TBC1D14: variants seen among roughly 807,000 people sequenced by gnomAD.
TBC1D14 encodes the protein TBC1 domain family member 14, also known as TBC1 domain family, member 14.
Under a neutral mutation model 79.0 loss-of-function variants are expected in TBC1D14, and 26 were observed. The ratio of observed to expected loss-of-function variants is 0.33; its 90% CI spans 0.24 to 0.46. TBC1D14 has a LOEUF of 0.46. Ranked by LOEUF, TBC1D14 falls within the 20% of genes least tolerant of loss-of-function variation. The probability of loss-of-function intolerance (pLI) is 1.00; values close to 1 mark genes in which losing one functional copy is unlikely to be tolerated. For missense variants in TBC1D14, 769 were observed against 887.6 expected (o/e 0.87, Z 1.70); for synonymous variants, 394 against 349.9 (o/e 1.13, Z -1.40).
chr4:6,916,529 C>G (rs1036743267), intron 1 of TBC1D14, among the ~76,000 whole-genome samples: 1 of 152,186 alleles, frequency 6.6e-6, no homozygotes, highest in Non-Finnish European at 1.5e-5. Context: ...CAAGCAGTTG[C>G]TTCTAGATGG....
chr4:7,001,959 G>C (rs563292689), intron 7 of TBC1D14, among the ~76,000 whole-genome samples: 3 of 152,208 alleles, frequency 2.0e-5, no homozygotes, highest in Non-Finnish European at 4.4e-5. Context: ...CTACCTTCCT[G>C]CTCTTTCTTG....
rs1345652805 is a variant in TBC1D14, at chr4:6,977,937, C to T, written c.843+10513C>T. On this transcript the variant is annotated intron_variant, in intron 3 of 13. Coordinates refer to ENST00000409757, the MANE Select transcript of TBC1D14 (RefSeq NM_020773.3). ...GAGCGTCTCTGCCCGGCCGCCCCGT[C>T]TGAGAAGTGAGGAGACCCTCTGCCT... is the stretch of plus-strand genomic sequence containing the variant. 6.0e-5 allele frequency among the ~76,000 whole-genome samples: 9 copies of T among 150,592 alleles called. 1 individual carries two copies. The highest frequency in any genetic ancestry group is 3.9e-4 in the Admixed American group (6 of 15,220).
At chr4:6,920,617 T>C (rs1428133382) in intron 1 of TBC1D14, among the ~76,000 whole-genome samples, 1 of 152,192 alleles carries the variant, frequency 6.6e-6, no homozygotes, top group Non-Finnish European at 1.5e-5. Context: ...TGATAGCAGC[T>C]ACCAACAAAG....
intron 2 of TBC1D14, among the ~76,000 whole-genome samples, chr4:6,938,576 A>C (rs549969122): frequency 6.6e-6 from 1 of 152,264 alleles, no homozygotes; most frequent in African/African-American, 2.4e-5. Flanking sequence ...CCCCAGGACC[A>C]GGTCTGCAGA....
intron 2 of TBC1D14, among the ~76,000 whole-genome samples, chr4:6,941,285 T>A (rs6856808): frequency 0.89 from 134,805 of 150,916 alleles, 60,270 homozygotes; most frequent in East Asian, 0.98. Flanking sequence ...TCCCAGGTTC[T>A]CGCGATTCTC....
At chr4:7,004,025 GC>G (rs1560336197) in intron 7 of TBC1D14, among the ~76,000 whole-genome samples, 1 of 152,014 alleles carries the variant, frequency 6.6e-6, no homozygotes, top group Admixed American at 6.6e-5. Flanking sequence ...AAAAGAAAAA[GC>G]CAGATGACCA....
chr4:6,922,036 G>A (rs1332474213), intron 1 of TBC1D14, among the ~76,000 whole-genome samples: 1 of 151,998 alleles, frequency 6.6e-6, no homozygotes, highest in African/African-American at 2.4e-5. Flanking sequence ...GTGTGCGTGT[G>A]ATTAATGGAT....
At chr4:6,919,141 G>A (rs1481348979) in intron 1 of TBC1D14, among the ~76,000 whole-genome samples, 1 of 152,052 alleles carries the variant, frequency 6.6e-6, no homozygotes, top group African/African-American at 2.4e-5. Context: ...GCAGCACCTG[G>A]GTAATTTCAC....
chr4:6,969,515 C>G (rs1209910890), intron 3 of TBC1D14, among the ~76,000 whole-genome samples: 1 of 152,080 alleles, frequency 6.6e-6, no homozygotes, highest in South Asian at 2.1e-4. Context: ...ATGTCATTCT[C>G]CTGCCTCAGC....
At chr4:6,944,610 C>G (rs1713245908) in intron 2 of TBC1D14, among the ~76,000 whole-genome samples, 1 of 152,202 alleles carries the variant, frequency 6.6e-6, no homozygotes, top group Non-Finnish European at 1.5e-5. Context: ...CGAGCATGCT[C>G]CAAGCAGTGG....
chr4:6,948,837 T>C (rs1713739143), intron 2 of TBC1D14, among the ~76,000 whole-genome samples: 1 of 151,232 alleles, frequency 6.6e-6, no homozygotes. Context: ...GTAGCTGGGA[T>C]TACAGGCGTG....
chr4:7,015,114 G>A (rs1399648579), intron 12 of TBC1D14, among the ~76,000 whole-genome samples: 1 of 152,084 alleles, frequency 6.6e-6, no homozygotes, highest in African/African-American at 2.4e-5. Flanking sequence ...AGGTGGGGAG[G>A]CCAGGTCACG....
At chr4:6,953,645 A>AAAAAAAG (rs1714326252) in intron 2 of TBC1D14, among the ~76,000 whole-genome samples, 1 of 150,112 alleles carries the variant, frequency 6.7e-6, no homozygotes, top group Non-Finnish European at 1.5e-5. Flanking sequence ...AAAAAAAAAA[A>AAAAAAAG]AAAAAAGAAT....
At chr4:6,941,394 C>T (rs1372750910) in intron 2 of TBC1D14, among the ~76,000 whole-genome samples, 1 of 152,238 alleles carries the variant, frequency 6.6e-6, no homozygotes, top group African/African-American at 2.4e-5. Flanking sequence ...CCATGTTAGC[C>T]AGGCTGGTCT....
chr4:7,028,259 G>C (rs1722671184), intron 13 of TBC1D14, among the ~76,000 whole-genome samples: 1 of 152,086 alleles, frequency 6.6e-6, no homozygotes, highest in Admixed American at 6.5e-5. Context: ...ATTAAACCCA[G>C]ATCAGCCATT....
At chr4:6,991,097 A>T (rs1718441428) in intron 3 of TBC1D14, among the ~76,000 whole-genome samples, 1 of 152,196 alleles carries the variant, frequency 6.6e-6, no homozygotes, top group East Asian at 1.9e-4. Flanking sequence ...GGTTTTGGAA[A>T]GGGCTTTGCC....
chr4:6,956,518 A>G (rs1452489764), intron 2 of TBC1D14, among the ~76,000 whole-genome samples: 4 of 152,216 alleles, frequency 2.6e-5, no homozygotes, highest in Non-Finnish European at 5.9e-5. Context: ...TTGAGCGCCT[A>G]GAGTGTGTGG....
rs192326868 is a variant in TBC1D14 at position 7,030,605 on chromosome 4, G to T, written c.*213G>T. On this transcript the variant is annotated 3_prime_UTR_variant, in exon 14 of 14. Transcript: ENST00000409757. ...AAGCAGCTCAGTGGAAGGATGAGCT[G>T]CTGCGGACCACAGCCAGCCACTGCA... 12 of 485,814 alleles carry T rather than the reference G, an allele frequency of 2.5e-5. No homozygotes were observed. In the East Asian group the frequency reaches 4.4e-4, roughly 18 times the overall value. The allele number at this position is 485,814 out of a possible 1,614,324, so 30.1% of individuals were successfully genotyped here.
intron 3 of TBC1D14, among the ~76,000 whole-genome samples, chr4:6,978,298 AG>A (rs1717007610): frequency 6.6e-6 from 1 of 150,616 alleles, no homozygotes; most frequent in Non-Finnish European, 1.5e-5. Flanking sequence ...TGGAATAGAA[AG>A]GGGGGAAAGG....
Sources: gnomAD v4.1 joint callset for allele counts (sites outside exome capture counted in the v4.1 genomes callset) on GRCh38, gnomAD v4.1.1 for gene constraint, MANE v1.5 for transcripts, NCBI Gene and HGNC (gene_info 2026-07-23, HGNC 2026-07-21) for gene names.